The following CLVS1 variants were observed in gnomAD, a reference collection of about 807,000 sequenced individuals.
CLVS1 encodes the protein clavesin 1.
CLVS1 carries 10 observed loss-of-function variants against 33.1 expected under a neutral mutation model. The ratio of observed to expected loss-of-function variants is 0.30; its 90% CI spans 0.19 to 0.51. CLVS1 has a LOEUF of 0.51. Ranked by LOEUF, CLVS1 falls within the 20% of genes least tolerant of loss-of-function variation. The probability of loss-of-function intolerance (pLI) is 0.97; values close to 1 mark genes in which losing one functional copy is unlikely to be tolerated. For synonymous variants in CLVS1, 163 were observed against 166.1 expected, an observed-to-expected ratio of 0.98 and a Z score of 0.14; for missense variants, 343 against 433.4, an observed-to-expected ratio of 0.79 and a Z score of 1.85.
rs1563389429 is a variant in CLVS1, at chr8:61,064,536, C to CTTTTTT, written c.-243+7306_-243+7307insTTTTTT. ...GAAATGTCTATTCAAGTTCTTTGCCCATTTTTTTTTTTTTTTTTTTTGAGA... is the reference window on the plus strand; with the variant it reads ...GAAATGTCTATTCAAGTTCTTTGCCCTTTTTTATTTTTTTTTTTTTTTTTTTTGAGA... On this transcript the variant is annotated intron_variant, in intron 1 of 2. Coordinates refer to the CLVS1 transcript ENST00000522621. Among the ~76,000 whole-genome samples, 5 of 141,442 alleles carry CTTTTTT rather than the reference C, an allele frequency of 3.5e-5. 1 individual carries two copies. The highest frequency in any genetic ancestry group is 7.6e-5 in the Non-Finnish European group (5 of 65,742). 92.8% of individuals were successfully genotyped at this position (141,442 alleles called of 152,430 possible).
intron 3 of CLVS1, among the ~76,000 whole-genome samples, chr8:61,428,912 A>G (rs1816001244): frequency 6.6e-6 from 1 of 152,208 alleles, no homozygotes; most frequent in Non-Finnish European, 1.5e-5. Context: ...ACTCACACAC[A>G]CATACATACA....
intron 2 of CLVS1, among the ~76,000 whole-genome samples, chr8:61,336,875 A>C (rs1811825647): frequency 6.6e-6 from 1 of 152,234 alleles, no homozygotes; most frequent in South Asian, 2.1e-4. Flanking sequence ...ACAGGAAAAA[A>C]TAAAACAAAC....
chr8:61,058,184 AG>A (rs1304449144), intron 1 of CLVS1, among the ~76,000 whole-genome samples: 1 of 152,184 alleles, frequency 6.6e-6, no homozygotes, highest in Non-Finnish European at 1.5e-5. Flanking sequence ...GCATTTTGGC[AG>A]GCAGGGCTGA....
At chr8:60,977,561 C>T in the CLVS1 span, among the ~76,000 whole-genome samples, 1 of 151,958 alleles carries the variant, frequency 6.6e-6, no homozygotes, top group East Asian at 1.9e-4. Context: ...AAAAACTCAC[C>T]AGAGGTGCTC....
intron 3 of CLVS1, among the ~76,000 whole-genome samples, chr8:61,418,571 T>A (rs142075262): frequency 6.6e-6 from 1 of 152,218 alleles, no homozygotes; most frequent in Non-Finnish European, 1.5e-5. Flanking sequence ...ATAAATATGG[T>A]GGAATTTCAT....
At chr8:61,093,557 C>T (rs1263865207) in intron 1 of CLVS1, among the ~76,000 whole-genome samples, 1 of 152,206 alleles carries the variant, frequency 6.6e-6, no homozygotes, top group East Asian at 1.9e-4. Flanking sequence ...CAGAGGATTA[C>T]TGCATGAAGG....
intron 2 of CLVS1, among the ~76,000 whole-genome samples, chr8:61,182,034 C>A (rs1436957338): frequency 1.3e-5 from 2 of 152,144 alleles, no homozygotes; most frequent in Admixed American, 1.3e-4. Flanking sequence ...CTGACAAAAA[C>A]AAGCAATGGG....
At chr8:61,212,283 G>A (rs1807986580) in intron 2 of CLVS1, among the ~76,000 whole-genome samples, 1 of 152,206 alleles carries the variant, frequency 6.6e-6, no homozygotes, top group Non-Finnish European at 1.5e-5. Context: ...GGGTTCAGAA[G>A]GAAGAGTGCG....
intron 3 of CLVS1, among the ~76,000 whole-genome samples, chr8:61,430,509 G>A (rs974554891): frequency 6.6e-6 from 1 of 152,194 alleles, no homozygotes. Flanking sequence ...CAGCAAATCA[G>A]CAAACTCAAA....
chr8:61,266,264 G>T (rs1047941054), intron 2 of CLVS1, among the ~76,000 whole-genome samples: 1 of 149,772 alleles, frequency 6.7e-6, no homozygotes, highest in African/African-American at 2.5e-5. Context: ...TTGTGACAAT[G>T]CCAGACACAA....
chr8:61,091,092 T>C (rs930196418), intron 1 of CLVS1, among the ~76,000 whole-genome samples: 1 of 152,176 alleles, frequency 6.6e-6, no homozygotes, highest in Non-Finnish European at 1.5e-5. Context: ...GATCTTGCCA[T>C]GGGAGATTAG....
chr8:61,486,560 A>T lies in CLVS1; in HGVS notation c.978-12895A>T, dbSNP rs550879609. 5.5e-4 allele frequency among the ~76,000 whole-genome samples: 84 copies of T among 152,370 alleles called. 1 individual carries two copies. The Middle Eastern group carries it at 0.027, about 49-fold the overall frequency. On this transcript the variant is annotated intron_variant, in intron 5 of 5. Transcript: ENST00000325897. ...TTCACGTACCTTAAACTGTGGATAG[A>T]ATACATCTTTGCAGTTGAATAATGA...
intron 2 of CLVS1, among the ~76,000 whole-genome samples, chr8:61,343,274 T>G (rs1305335584): frequency 6.6e-6 from 1 of 152,230 alleles, no homozygotes; most frequent in Admixed American, 6.5e-5. Flanking sequence ...TATGGGGATG[T>G]TTATTGGCTG....
intron 5 of CLVS1, among the ~76,000 whole-genome samples, chr8:61,493,235 A>G (rs1291169925): frequency 6.6e-6 from 1 of 152,220 alleles, no homozygotes; most frequent in Non-Finnish European, 1.5e-5. Context: ...ATCACATTAC[A>G]TAATGTGTCA....
intron 2 of CLVS1, among the ~76,000 whole-genome samples, chr8:61,196,975 GAC>G (rs1479642078): frequency 1.3e-5 from 2 of 152,134 alleles, no homozygotes; most frequent in Non-Finnish European, 2.9e-5. Flanking sequence ...CTGAAATGAA[GAC>G]ACAGTGTTGG....
At chr8:61,353,337 A>G (rs1042553880) in intron 2 of CLVS1, among the ~76,000 whole-genome samples, 2 of 152,062 alleles carry the variant, frequency 1.3e-5, no homozygotes, top group Admixed American at 1.3e-4. Context: ...ATGAAATCAT[A>G]CTAAGTGTTT....
chr8:61,081,769 G>T (rs1417609105), intron 1 of CLVS1, among the ~76,000 whole-genome samples: 1 of 152,106 alleles, frequency 6.6e-6, no homozygotes, highest in Non-Finnish European at 1.5e-5. Context: ...TGGGTCATAG[G>T]ACAAACCATT....
At chr8:61,243,005 CT>C (rs1438118456) in intron 2 of CLVS1, among the ~76,000 whole-genome samples, 1 of 151,184 alleles carries the variant, frequency 6.6e-6, no homozygotes, top group East Asian at 1.9e-4. Context: ...CTTCATTTTC[CT>C]TGCTTTTCTC....
chr8:61,478,438 T>A (rs897469512), intron 5 of CLVS1, among the ~76,000 whole-genome samples: 1 of 152,184 alleles, frequency 6.6e-6, no homozygotes, highest in Non-Finnish European at 1.5e-5. Context: ...CCCATTATTA[T>A]TGTGTGGGAG....
Sources: allele counts gnomAD v4.1 joint callset (sites outside exome capture counted in the v4.1 genomes callset), GRCh38; gene constraint gnomAD v4.1.1; transcripts MANE v1.5; gene names NCBI Gene and HGNC (gene_info 2026-07-23, HGNC 2026-07-21).